MSRA: variants seen among roughly 807,000 people sequenced by gnomAD.
MSRA encodes mitochondrial peptide methionine sulfoxide reductase.
In MSRA, 54 loss-of-function variants were observed where a neutral mutation model predicts 31.3. That is an observed-to-expected ratio of 1.73 (90% CI 1.39 to 2.17). The LOEUF is 2.17. Among genes scored for constraint, MSRA ranks in the 30% most tolerant of loss-of-function variants. The pLI is 0.00. For missense variants in MSRA, 507 were observed against 300.9 expected, an observed-to-expected ratio of 1.69 and a Z score of -5.07; for synonymous variants, 169 against 116.5, an observed-to-expected ratio of 1.45 and a Z score of -2.90.
At chr8:10,351,892 CT>C (rs777714580) in intron 5 of MSRA, among the ~76,000 whole-genome samples, 11 of 152,208 alleles carry the variant, frequency 7.2e-5, no homozygotes, top group Non-Finnish European at 1.5e-4. Flanking sequence ...CTATGAGGTG[CT>C]TCTCTGGACC....
At chr8:10,197,516 T>C (rs1476204912) in intron 1 of MSRA, among the ~76,000 whole-genome samples, 1 of 152,066 alleles carries the variant, frequency 6.6e-6, no homozygotes, top group Non-Finnish European at 1.5e-5. Flanking sequence ...TGGTGAAGGC[T>C]GGAGAGAGGG....
intron 5 of MSRA, among the ~76,000 whole-genome samples, chr8:10,427,103 A>G (rs1209591282): frequency 1.3e-5 from 2 of 152,180 alleles, no homozygotes; most frequent in Non-Finnish European, 1.5e-5. Context: ...AGACTTGAAG[A>G]CTTCATCTCA....
At chr8:10,095,530 G>C (rs1799092914) in intron 1 of MSRA, 3 of 985,426 alleles carry the variant, frequency 3.0e-6, no homozygotes, top group Non-Finnish European at 3.6e-6. Context: ...CTGCTCGGAA[G>C]GTTGCCATAC....
At chr8:10,423,338 T>A (rs1414825210) in intron 5 of MSRA, among the ~76,000 whole-genome samples, 1 of 152,218 alleles carries the variant, frequency 6.6e-6, no homozygotes, top group Non-Finnish European at 1.5e-5. Context: ...AGCATTGGTG[T>A]GTCAGCCATG....
chr8:10,140,773 T>G (rs183331007), intron 1 of MSRA, among the ~76,000 whole-genome samples: 2 of 152,248 alleles, frequency 1.3e-5, no homozygotes, highest in African/African-American at 4.8e-5. Context: ...CGTTCTACTT[T>G]GCTTTAAAAA....
At chr8:10,214,137 G>A (rs1429900296) in intron 2 of MSRA, among the ~76,000 whole-genome samples, 3 of 152,138 alleles carry the variant, frequency 2.0e-5, no homozygotes, top group African/African-American at 4.8e-5. Context: ...GCCAAGCCGA[G>A]GACTTAGGAA....
chr8:10,071,890 G>C (rs1797749522), intron 1 of MSRA, among the ~76,000 whole-genome samples: 1 of 152,142 alleles, frequency 6.6e-6, no homozygotes. Context: ...AACACAGTCA[G>C]GTAGTCGAGG....
At chr8:10,166,598 A>G (rs1325126401) in intron 1 of MSRA, among the ~76,000 whole-genome samples, 3 of 152,166 alleles carry the variant, frequency 2.0e-5, no homozygotes, top group Non-Finnish European at 2.9e-5. Context: ...GGAGAATTAT[A>G]TAACAAGCGA....
rs534472283 is a variant in MSRA at position 10,381,707 on chromosome 8, C to G, written c.544-46441C>G. ...ACTTTTCCCTACTGCCCCATAATGT[C>G]AGGGGTAATAGGTGCTGCCCCAATG... is the stretch of plus-strand genomic sequence containing the variant. On this transcript the variant is annotated intron_variant, in intron 5 of 5. Coordinates refer to ENST00000317173, the MANE Select transcript of MSRA (RefSeq NM_012331.5). Among the ~76,000 whole-genome samples, 65 of 152,306 alleles carry G rather than the reference C, an allele frequency of 4.3e-4. 1 individual carries two copies. The highest frequency in any genetic ancestry group is 1.5e-3 in the African/African-American group (64 of 41,552).
intron 1 of MSRA, among the ~76,000 whole-genome samples, chr8:10,064,082 G>A (rs1797338592): frequency 6.6e-6 from 1 of 152,126 alleles, no homozygotes; most frequent in Non-Finnish European, 1.5e-5. Context: ...TCCTGTATTT[G>A]GTGCTTGGTG....
chr8:10,336,374 T>C (rs1803044246), intron 5 of MSRA, among the ~76,000 whole-genome samples: 1 of 152,012 alleles, frequency 6.6e-6, no homozygotes, highest in African/African-American at 2.4e-5. Flanking sequence ...GGGTGCTGTG[T>C]GGTTTCAGGA....
intron 5 of MSRA, among the ~76,000 whole-genome samples, chr8:10,421,162 C>G (rs1461396461): frequency 6.6e-6 from 1 of 152,148 alleles, no homozygotes; most frequent in Admixed American, 6.5e-5. Context: ...GCTCCTGGGG[C>G]AGGGCGGCAT....
intron 4 of MSRA, among the ~76,000 whole-genome samples, chr8:10,317,255 A>G (rs2129136136): frequency 6.6e-6 from 1 of 152,182 alleles, no homozygotes; most frequent in Middle Eastern, 3.4e-3. Flanking sequence ...CCTAGCAACA[A>G]CTCTTAGCAT....
intron 1 of MSRA, among the ~76,000 whole-genome samples, chr8:10,161,082 A>G (rs1053738057): frequency 1.3e-5 from 2 of 152,236 alleles, no homozygotes; most frequent in South Asian, 2.1e-4. Flanking sequence ...TTATGAACAC[A>G]CAATATTATC....
intron 3 of MSRA, among the ~76,000 whole-genome samples, chr8:10,273,857 C>T (rs949939178): frequency 3.3e-5 from 5 of 152,098 alleles, no homozygotes; most frequent in East Asian, 3.9e-4. Context: ...TTATGATCCT[C>T]GAGCCAACAG....
intron 1 of MSRA, among the ~76,000 whole-genome samples, chr8:10,065,518 G>T (rs760314564): frequency 6.6e-6 from 1 of 152,238 alleles, no homozygotes; most frequent in Non-Finnish European, 1.5e-5. Context: ...GTTTGCTGCA[G>T]TAGTTTTGGG....
intron 1 of MSRA, among the ~76,000 whole-genome samples, chr8:10,161,830 C>A (rs10107650): frequency 6.7e-6 from 1 of 150,102 alleles, no homozygotes; most frequent in Non-Finnish European, 1.5e-5. Context: ...TCCCGCCCCG[C>A]CCCTGATAAC....
At chr8:10,131,503 T>G (rs9693546) in intron 1 of MSRA, among the ~76,000 whole-genome samples, 7,914 of 152,292 alleles carry the variant, frequency 0.052, 409 homozygotes, top group South Asian at 0.13. Context: ...GAAGTGAGAA[T>G]AGCTAAGGTT....
intron 1 of MSRA, among the ~76,000 whole-genome samples, chr8:10,128,991 T>C (rs1399228924): frequency 1.3e-5 from 2 of 152,218 alleles, no homozygotes; most frequent in African/African-American, 4.8e-5. Context: ...CTATATAATA[T>C]GCTTTCTCTC....
Sources: allele counts gnomAD v4.1 joint callset (sites outside exome capture counted in the v4.1 genomes callset), GRCh38; gene constraint gnomAD v4.1.1; transcripts MANE v1.5; gene names NCBI Gene and HGNC (gene_info 2026-07-23, HGNC 2026-07-21).